The following RASA2 variants were observed in gnomAD, a reference collection of about 807,000 sequenced individuals.
RASA2 encodes RAS p21 protein activator 2.
Under a neutral mutation model 118.2 loss-of-function variants are expected in RASA2, and 155 were observed. The observed-to-expected ratio is 1.31, with a 90% CI of 1.15 to 1.50. The LOEUF (loss-of-function observed/expected upper bound fraction) is 1.50. Ranked by LOEUF, RASA2 falls within the 40% of genes most tolerant of loss-of-function variation. The pLI, the probability that RASA2 is intolerant of heterozygous loss-of-function variation, is 0.00. For synonymous variants in RASA2, 353 were observed against 349.1 expected (o/e 1.01, Z -0.12); for missense variants, 1,016 against 1,009.6 (o/e 1.01, Z -0.09).
intron 1 of RASA2, among the ~76,000 whole-genome samples, chr3:141,501,323 G>C (rs2081775988): frequency 6.6e-6 from 1 of 152,116 alleles, no homozygotes; most frequent in African/African-American, 2.4e-5. Flanking sequence ...TTATATTACA[G>C]GTTATTTTTG....
At chr3:141,570,685 A>C (rs2082904022) in intron 9 of RASA2, among the ~76,000 whole-genome samples, 1 of 152,194 alleles carries the variant, frequency 6.6e-6, no homozygotes, top group African/African-American at 2.4e-5. Flanking sequence ...TTTCTGTAAT[A>C]TCTATGCTTT....
At chr3:141,514,092 G>C (rs2081990249) in intron 2 of RASA2, among the ~76,000 whole-genome samples, 1 of 152,092 alleles carries the variant, frequency 6.6e-6, no homozygotes. Flanking sequence ...AAACTTAGAG[G>C]CTCCTTTTCT....
At chr3:141,546,423 C>T (rs2082486563) in intron 5 of RASA2, among the ~76,000 whole-genome samples, 1 of 152,198 alleles carries the variant, frequency 6.6e-6, no homozygotes, top group Admixed American at 6.5e-5. Context: ...TTTTGATTTA[C>T]ACTTCTCTGA....
intron 19 of RASA2, among the ~76,000 whole-genome samples, chr3:141,598,586 AT>A (rs1197966510): frequency 6.6e-6 from 1 of 152,232 alleles, no homozygotes; most frequent in African/African-American, 2.4e-5. Context: ...ATATAGTGTT[AT>A]ATTGAAACTC....
chr3:141,522,280 G>A (rs913383487), intron 3 of RASA2, among the ~76,000 whole-genome samples: 1 of 152,144 alleles, frequency 6.6e-6, no homozygotes, highest in Non-Finnish European at 1.5e-5. Context: ...GGATCAGTCA[G>A]TAGAGATGGA....
Position 141,614,267 on chromosome 3 carries a change from G to T in RASA2, c.*1954G>T, listed in dbSNP as rs898017179. 1 of 152,104 alleles carries T rather than the reference G, an allele frequency of 6.6e-6. No individual in the cohort carries two copies. Among genetic ancestry groups the T allele is most frequent in the African/African-American group, 2.4e-5 (1 of 41,424 alleles). The allele number at this position is 152,104 out of a possible 1,614,324, so 9.4% of individuals were successfully genotyped here. On this transcript the variant is annotated 3_prime_UTR_variant, in exon 24 of 24. Coordinates refer to ENST00000286364, the MANE Select transcript of RASA2 (RefSeq NM_006506.5). ...ATATATAACTCTGGATTTGAAAGGA[G>T]GAGAGTTCAGCCATCTAGTTCTTTT...
At chr3:141,578,313 C>T (rs1215813877) in intron 15 of RASA2, among the ~76,000 whole-genome samples, 2 of 152,196 alleles carry the variant, frequency 1.3e-5, no homozygotes, top group African/African-American at 2.4e-5. Context: ...CTATCCCTTC[C>T]AACCTCTTAG....
chr3:141,563,047 G>A (rs1015537007), intron 9 of RASA2, among the ~76,000 whole-genome samples: 8 of 152,124 alleles, frequency 5.3e-5, no homozygotes, highest in African/African-American at 1.7e-4. Flanking sequence ...TGCACTTTGG[G>A]TTTGTCTACC....
At chr3:141,609,634 TATTTATTGA>T in intron 22 of RASA2, 111 bp downstream of exon 22, 1 of 928,716 alleles carries the variant, frequency 1.1e-6, no homozygotes, top group Non-Finnish European at 1.5e-6. Flanking sequence ...ACCAAAATGT[TATTTATTGA>T]AAGTTGACAA....
intron 23 of RASA2, among the ~76,000 whole-genome samples, chr3:141,610,336 ATTT>A (rs2083619178): frequency 1.5e-5 from 2 of 136,710 alleles, no homozygotes; most frequent in Non-Finnish European, 3.1e-5. Context: ...ATAAATATAT[ATTT>A]TATATATATT....
In RASA2 at chr3:141,502,804, T is replaced by C. The variant is rs535257113; in HGVS notation, c.134-9359T>C. Reference sequence around the variant, plus strand: ...CATCTTGTCCAGGACCCTGGCTCTTTGCAGTTTTTCTAGGGGATTAATCCC... The same window carrying C: ...CATCTTGTCCAGGACCCTGGCTCTTCGCAGTTTTTCTAGGGGATTAATCCC... On this transcript the variant is annotated intron_variant, in intron 1 of 23. Transcript: ENST00000286364. 2.4e-4 allele frequency among the ~76,000 whole-genome samples: 37 copies of C among 152,168 alleles called. 1 individual carries two copies. The highest frequency in any genetic ancestry group is 5.1e-4 in the Non-Finnish European group (35 of 68,022).
intron 6 of RASA2, among the ~76,000 whole-genome samples, chr3:141,555,594 G>A (rs2082637171): frequency 6.6e-6 from 1 of 151,180 alleles, no homozygotes. Context: ...GAAAAAGGTT[G>A]GCAATCTAGT....
chr3:141,585,064 A>C (rs993005535), intron 17 of RASA2, among the ~76,000 whole-genome samples: 7 of 152,136 alleles, frequency 4.6e-5, no homozygotes, highest in African/African-American at 1.7e-4. Flanking sequence ...TGGGCCTTAC[A>C]AAAACAGGCT....
chr3:141,505,826 A>C (rs1417483456), intron 1 of RASA2, among the ~76,000 whole-genome samples: 2 of 152,008 alleles, frequency 1.3e-5, no homozygotes, highest in Non-Finnish European at 2.9e-5. Context: ...AACATTGTGA[A>C]GGTTGAGTAT....
chr3:141,541,632 T>C (rs1208480559), intron 5 of RASA2, among the ~76,000 whole-genome samples: 2 of 152,270 alleles, frequency 1.3e-5, no homozygotes, highest in East Asian at 3.9e-4. Context: ...GCAGTTATTA[T>C]ATTCCACTTT....
intron 4 of RASA2, among the ~76,000 whole-genome samples, chr3:141,532,300 T>C (rs1390394579): frequency 6.6e-6 from 1 of 152,138 alleles, no homozygotes; most frequent in Non-Finnish European, 1.5e-5. Flanking sequence ...TTCACCATTC[T>C]GTACTATTAG....
At chr3:141,576,724 A>G (rs928643609) in intron 14 of RASA2, among the ~76,000 whole-genome samples, 1 of 152,206 alleles carries the variant, frequency 6.6e-6, no homozygotes, top group South Asian at 2.1e-4. Flanking sequence ...CTCTTCTTGC[A>G]GGTGAGGAAA....
At chr3:141,494,125 A>G (rs1039330015) in intron 1 of RASA2, among the ~76,000 whole-genome samples, 2 of 152,242 alleles carry the variant, frequency 1.3e-5, no homozygotes, top group Non-Finnish European at 2.9e-5. Flanking sequence ...AGACATTACT[A>G]CAATGAATAA....
chr3:141,573,214 A>T lies in RASA2; in HGVS notation c.1352A>T (p.Asn451Ile), dbSNP rs1577763968. The T allele has an allele frequency of 6.5e-7, 1 of 1,543,226 alleles. No homozygotes were observed. The part of the protein sequence containing the change: ...IKLKEGDNVE[N>I]NKENLRYYVD... ...TTGAAAGAGGGAGATAATGTAGAAA[A>T]TAATAAGGTAAGTCCTTGTTATATT... The change falls in exon 13 of 24, where the codon AAT becomes ATT. Residue 451 changes from asparagine (N) to isoleucine (I), a missense_variant. Physicochemically the swap from Asn to Ile is moderately radical, Grantham distance 149 (BLOSUM62 -3). This residue lies in a region of RASA2 where 896 missense variants were observed against 836.4 expected (regional missense o/e 1.07). Coordinates refer to ENST00000286364, the MANE Select transcript of RASA2 (RefSeq NM_006506.5).
Sources: gnomAD v4.1 joint callset for allele counts (sites outside exome capture counted in the v4.1 genomes callset) on GRCh38, gnomAD v4.1.1 for gene constraint, gnomAD v4.1.1 regional missense constraint, MANE v1.5 for transcripts, NCBI Gene and HGNC (gene_info 2026-07-23, HGNC 2026-07-21) for gene names.